LPIN2: variants seen among roughly 807,000 people sequenced by gnomAD.
LPIN2 encodes phosphatidate phosphatase LPIN2.
A neutral mutation model predicts 111.4 loss-of-function variants in LPIN2; 55 were observed. The ratio of observed to expected loss-of-function variants is 0.49; its 90% CI spans 0.40 to 0.62. LPIN2 has a LOEUF of 0.62. Among genes scored for constraint, LPIN2 ranks in the 20% least tolerant of loss-of-function variants. The pLI is 0.00. For synonymous variants in LPIN2, 425 were observed against 414.0 expected (o/e 1.03, Z -0.32); for missense variants, 992 against 1,112.1 (o/e 0.89, Z 1.54).
At position 2,928,615 on chromosome 18, in the gene LPIN2, T is replaced by C. The variant is rs144466862; in HGVS notation, c.1596A>G (p.Gln532=). Residue 532 remains glutamine, a synonymous_variant, in exon 11 of 20, where the codon CAA becomes CAG. Coordinates refer to ENST00000677752, the MANE Select transcript of LPIN2 (RefSeq NM_001375808.2). ...CCTTAGGCAAGCTCTTCTGGAATAC[T>C]TGCAAGCTAAGGATCATGGGAGCTG... ...ALAAPMILSL[Q]VFQKSLPKAT... is the part of the protein sequence containing the mutation. The C allele has an allele frequency of 1.2e-5, 20 of 1,614,070 alleles. No individual in the cohort carries two copies. Among genetic ancestry groups the C allele is most frequent in the African/African-American group, 4.0e-5 (3 of 74,924 alleles).
At position 2,924,549 on chromosome 18, in the gene LPIN2, T is replaced by C; in HGVS notation, c.1939-3A>G. On this transcript the variant is annotated splice_polypyrimidine_tract_variant and splice_region_variant and intron_variant, in intron 14 of 19. Coordinates refer to ENST00000677752, the MANE Select transcript of LPIN2 (RefSeq NM_001375808.2). ...CCATCGTGGAGCTTCAGTTTTGCCT[T>C]TTAAAAAAGCATAAGAATAAAGAAA... The C allele has an allele frequency of 6.2e-7, 1 of 1,614,132 alleles. No homozygotes were observed. Among genetic ancestry groups the C allele is most frequent in the South Asian group, 1.1e-5 (1 of 91,074 alleles).
intron 4 of LPIN2, among the ~76,000 whole-genome samples, chr18:2,944,379 T>C (rs2077415509): frequency 7.7e-6 from 1 of 130,674 alleles, no homozygotes; most frequent in Non-Finnish European, 1.6e-5. Context: ...TGAGTCGGAG[T>C]CTGGCTCTGT....
chr18:2,995,251 T>A (rs923774437), intron 1 of LPIN2, among the ~76,000 whole-genome samples: 1 of 152,204 alleles, frequency 6.6e-6, no homozygotes, highest in Non-Finnish European at 1.5e-5. Context: ...ATTCTAGCCA[T>A]CAAGGAGCTA....
In LPIN2 at chr18:2,933,062, A is replaced by T. The variant is rs754994127; in HGVS notation, c.1268+1289T>A. The stretch of plus-strand genomic sequence containing the variant: ...AATACAAAAGTGTGTGATTTATATT[A>T]AAGTTTAGTGATAATTACAAATACT... On this transcript the variant is annotated intron_variant, in intron 8 of 19. Coordinates refer to ENST00000677752, the MANE Select transcript of LPIN2 (RefSeq NM_001375808.2). Among the ~76,000 whole-genome samples, 489 of 152,364 alleles carry T rather than the reference A, an allele frequency of 3.2e-3. 2 individuals carry two copies. Among genetic ancestry groups the T allele is most frequent in the Middle Eastern group, 0.01 (3 of 294 alleles).
chr18:3,005,522 C>T (rs2143493079), intron 1 of LPIN2, among the ~76,000 whole-genome samples: 1 of 151,938 alleles, frequency 6.6e-6, no homozygotes, highest in South Asian at 2.1e-4. Flanking sequence ...TCTATTAAAA[C>T]CAAAATTAAC....
At chr18:2,936,941 T>C (rs891067469) in intron 7 of LPIN2, among the ~76,000 whole-genome samples, 2 of 152,188 alleles carry the variant, frequency 1.3e-5, no homozygotes, top group Non-Finnish European at 2.9e-5. Context: ...TCATAATTAG[T>C]ATGCATTGAT....
At position 2,946,507 on chromosome 18, in the gene LPIN2, G is replaced by A. The variant is rs181964836; in HGVS notation, c.590+4548C>T. 3,897 of 1,563,790 alleles carry A rather than the reference G, an allele frequency of 2.5e-3. 6 individuals are homozygous for A. Among genetic ancestry groups the A allele is most frequent in the Non-Finnish European group, 2.9e-3 (3,338 of 1,135,234 alleles). ...TGGTCTCAGGATCGAAGCGCTGACCGCAGCTCCGGTTGTAGCACAGCAAGG... is the reference window on the plus strand; with the variant it reads ...TGGTCTCAGGATCGAAGCGCTGACCACAGCTCCGGTTGTAGCACAGCAAGG... On this transcript the variant is annotated intron_variant, in intron 4 of 19. Coordinates refer to ENST00000677752, the MANE Select transcript of LPIN2 (RefSeq NM_001375808.2).
chr18:2,925,516 G>T lies in LPIN2; in HGVS notation c.1794-148C>A. On this transcript the variant is annotated intron_variant, in intron 13 of 19. Transcript: ENST00000677752. The surrounding 1 kb of genome is among the most constrained non-coding windows in gnomAD (Gnocchi z 4.1). ...CTTCTGCCATTCTCCCATATCCACA[G>T]CTCTGTACGCCTGAAATATTCATAT... 9.5e-7 allele frequency: 1 copy of T among 1,054,088 alleles called. No homozygotes were observed. The highest frequency in any genetic ancestry group is 1.4e-6 in the Non-Finnish European group (1 of 706,378). The allele number at this position is 1,054,088 out of a possible 1,614,324, so 65.3% of individuals were successfully genotyped here.
intron 16 of LPIN2, among the ~76,000 whole-genome samples, chr18:2,923,485 T>G (rs1210627840): frequency 8.7e-6 from 1 of 114,452 alleles, no homozygotes; most frequent in Admixed American, 8.6e-5. Context: ...AAAATGAAAA[T>G]CAGCTATCTT....
At chr18:3,007,240 T>C (rs2078529958) in intron 1 of LPIN2, among the ~76,000 whole-genome samples, 1 of 152,118 alleles carries the variant, frequency 6.6e-6, no homozygotes, top group African/African-American at 2.4e-5. Flanking sequence ...GGTGCTATCT[T>C]GGCTCACTGC....
rs2076981361 is a variant in LPIN2 at position 2,917,117 on chromosome 18, T to C, written c.*3176A>G. The stretch of plus-strand genomic sequence containing the variant: ...ACTGTAACTAAGAGTACTGTACTGA[T>C]GATGTTTACAATTAACTTTGGACAA... On this transcript the variant is annotated 3_prime_UTR_variant, in exon 20 of 20. Transcript: ENST00000677752. The C allele has an allele frequency of 6.6e-6, 1 of 152,204 alleles. No individual in the cohort carries two copies. The highest frequency in any genetic ancestry group is 2.4e-5 in the African/African-American group (1 of 41,448). 9.4% of individuals were successfully genotyped at this position (152,204 alleles called of 1,614,324 possible).
intron 19 of LPIN2, 122 bp downstream of exon 19, chr18:2,920,656 T>G: frequency 1.2e-6 from 1 of 820,640 alleles, no homozygotes; most frequent in South Asian, 1.4e-5. Context: ...ACAGAGGAGA[T>G]GTAGCTGATC....
rs369998768 is a variant in LPIN2 at position 2,937,942 on chromosome 18, G to A, written c.918C>T (p.Asn306=). Residue 306 remains asparagine, a synonymous_variant, in exon 7 of 20, where the codon AAC becomes AAT. Transcript: ENST00000677752. The part of the protein sequence containing the change: ...THFRVIPSED[N]LISEVEKDAS... ...CATCCTTCTCAACTTCACTGATGAG[G>A]TTGTCCTCACTGGGAATTACCCGAA... 1.9e-6 allele frequency: 3 copies of A among 1,614,026 alleles called. No individual in the cohort carries two copies. The African/African-American group carries it at 4.0e-5, about 22-fold the overall frequency.
At chr18:2,987,372 A>G (rs1344101151) in intron 1 of LPIN2, among the ~76,000 whole-genome samples, 1 of 152,226 alleles carries the variant, frequency 6.6e-6, no homozygotes, top group Non-Finnish European at 1.5e-5. Flanking sequence ...TGTCCCCCAA[A>G]AACAGCAACA....
intron 1 of LPIN2, among the ~76,000 whole-genome samples, chr18:2,965,777 T>TC (rs2077792471): frequency 1.4e-5 from 2 of 140,700 alleles, no homozygotes; most frequent in Admixed American, 7.0e-5. Flanking sequence ...CAAATACCAA[T>TC]CCCCCTCCTA....
chr18:3,011,882 C>G (rs888458510), intron 1 of LPIN2: 2 of 152,502 alleles, frequency 1.3e-5, no homozygotes, highest in African/African-American at 2.4e-5. Context: ...CTGTCTCCAT[C>G]CCCTGCACTG....
intron 1 of LPIN2, among the ~76,000 whole-genome samples, chr18:3,012,680 C>G (rs879802585): frequency 3.3e-5 from 5 of 152,150 alleles, no homozygotes; most frequent in Non-Finnish European, 5.9e-5. Context: ...GCCTCCCGCG[C>G]GCCTTCCGCA....
In LPIN2 at chr18:2,917,959, G is replaced by A. The variant is rs2076994241; in HGVS notation, c.*2334C>T. The A allele has an allele frequency of 6.6e-6, 1 of 152,094 alleles. No individual in the cohort carries two copies. Among genetic ancestry groups the A allele is most frequent in the Non-Finnish European group, 1.5e-5 (1 of 68,018 alleles). 9.4% of individuals were successfully genotyped at this position (152,094 alleles called of 1,614,324 possible). A position where few individuals can be genotyped will look rare whatever the true frequency, so the allele number is the denominator to read the frequency against. On this transcript the variant is annotated 3_prime_UTR_variant, in exon 20 of 20. Transcript: ENST00000677752. The stretch of plus-strand genomic sequence containing the variant: ...GGGTTTGTGTACAAACACACTCGAG[G>A]GCATCTCTTTCACAGAAAGAACAAA...
At chr18:2,962,379 A>G (rs1598573726) in intron 1 of LPIN2, among the ~76,000 whole-genome samples, 1 of 152,246 alleles carries the variant, frequency 6.6e-6, no homozygotes, top group Non-Finnish European at 1.5e-5. Flanking sequence ...ATGTGATATC[A>G]AACAATTATA....
Sources: gnomAD v4.1 joint callset for allele counts (sites outside exome capture counted in the v4.1 genomes callset) on GRCh38, gnomAD v4.1.1 for gene constraint, Gnocchi (gnomAD v3.1) non-coding constraint, MANE v1.5 for transcripts, NCBI Gene and HGNC (gene_info 2026-07-23, HGNC 2026-07-21) for gene names.